Variants in HIVEP1 observed in about 807,000 individuals in gnomAD.
HIVEP1 encodes zinc finger protein 40.
Under a neutral mutation model 180.0 loss-of-function variants are expected in HIVEP1, and 36 were observed. That is an observed-to-expected ratio of 0.20 (90% confidence interval 0.15 to 0.26). HIVEP1 has a LOEUF of 0.26. Among genes scored for constraint, HIVEP1 ranks in the 10% least tolerant of loss-of-function variants. The pLI, the probability that HIVEP1 is intolerant of heterozygous loss-of-function variation, is 1.00. For missense variants in HIVEP1, 3,143 were observed against 3,268.7 expected (o/e 0.96, Z 0.94); for synonymous variants, 1,239 against 1,239.0 (o/e 1.00, Z 0.00).
At chr6:12,027,075 A>G (rs1049714280) in intron 2 of HIVEP1, among the ~76,000 whole-genome samples, 3 of 152,220 alleles carry the variant, frequency 2.0e-5, no homozygotes, top group Admixed American at 6.6e-5. Flanking sequence ...TTCATGCAAC[A>G]GTGGCAGAGT....
At chr6:12,046,932 C>T (rs915333335) in intron 2 of HIVEP1, among the ~76,000 whole-genome samples, 1 of 149,664 alleles carries the variant, frequency 6.7e-6, no homozygotes, top group African/African-American at 2.5e-5. Context: ...GTGACCTTGG[C>T]TCACTGCAAT....
chr6:12,124,193 G>T lies in HIVEP1; in HGVS notation c.4398G>T (p.Gly1466=). 6.2e-7 allele frequency: 1 copy of T among 1,613,898 alleles called. No individual in the cohort carries two copies. Among genetic ancestry groups the T allele is most frequent in the East Asian group, 2.2e-5 (1 of 44,888 alleles). The change falls in exon 4 of 9, where the codon GGG becomes GGT. Residue 1466 remains glycine, a synonymous_variant. Transcript: ENST00000379388. ...GTGTGAATGCAGTGCCATATCAGGG[G>T]CCTCAGCTCACTAGTACATCTTTAG... ...LPSVNAVPYQ[G]PQLTSTSLAE... is the part of the protein sequence containing the mutation.
At position 12,108,846 on chromosome 6, in the gene HIVEP1, C is replaced by T. The variant is rs549193955; in HGVS notation, c.95-11044C>T. ...CCAGAAAGGGGCTCCCACAGTGCAG[C>T]GGTGGGCTGAAGGGCTCCTCAGGTG... On this transcript the variant is annotated intron_variant, in intron 3 of 8. Coordinates refer to ENST00000379388, the MANE Select transcript of HIVEP1 (RefSeq NM_002114.4). 5.1e-4 allele frequency among the ~76,000 whole-genome samples: 77 copies of T among 152,350 alleles called. No homozygotes were observed. In the South Asian group the frequency reaches 7.4e-3, roughly 15 times the overall value.
chr6:12,089,932 T>C (rs547540253), intron 3 of HIVEP1, among the ~76,000 whole-genome samples: 2 of 152,040 alleles, frequency 1.3e-5, no homozygotes, highest in Non-Finnish European at 2.9e-5. Flanking sequence ...TACACAGATA[T>C]GTGTTAATAG....
At chr6:12,044,515 G>C (rs1769988881) in intron 2 of HIVEP1, among the ~76,000 whole-genome samples, 1 of 151,912 alleles carries the variant, frequency 6.6e-6, no homozygotes, top group South Asian at 2.1e-4. Context: ...AGGGCTTGCT[G>C]TCCCCCACTC....
intron 2 of HIVEP1, among the ~76,000 whole-genome samples, chr6:12,062,975 G>T (rs950945726): frequency 6.6e-6 from 1 of 152,194 alleles, no homozygotes; most frequent in Non-Finnish European, 1.5e-5. Flanking sequence ...GTACTTACTA[G>T]AAGAATACAT....
At chr6:12,153,107 A>G (rs1229192003) in intron 7 of HIVEP1, among the ~76,000 whole-genome samples, 1 of 152,214 alleles carries the variant, frequency 6.6e-6, no homozygotes, top group Non-Finnish European at 1.5e-5. Flanking sequence ...TAAAAGTTCA[A>G]TTATTTACAT....
At chr6:12,018,306 G>A (rs556107024) in intron 2 of HIVEP1, among the ~76,000 whole-genome samples, 2 of 152,314 alleles carry the variant, frequency 1.3e-5, no homozygotes, top group East Asian at 3.9e-4. Context: ...GCCGGCTCTG[G>A]CCTGGGCCAT....
At chr6:12,139,940 C>T (rs1758918997) in intron 7 of HIVEP1, among the ~76,000 whole-genome samples, 1 of 152,258 alleles carries the variant, frequency 6.6e-6, no homozygotes, top group Non-Finnish European at 1.5e-5. Context: ...GCAGAAACTT[C>T]TGCAGGCTTA....
rs776709378 is a variant in HIVEP1 at position 12,124,190 on chromosome 6, G to C, written c.4395G>C (p.Gln1465His). The C allele has an allele frequency of 3.1e-6, 5 of 1,613,902 alleles. No homozygotes were observed. The Admixed American group carries it at 8.3e-5, about 27-fold the overall frequency. ...ALPSVNAVPY[Q>H]GPQLTSTSLA... ...CCAGTGTGAATGCAGTGCCATATCA[G>C]GGGCCTCAGCTCACTAGTACATCTT... The change falls in exon 4 of 9, where the codon CAG becomes CAC. Residue 1465 changes from glutamine (Q) to histidine (H), a missense_variant. Gln to His is a conservative substitution (Grantham distance 24, BLOSUM62 0). Coordinates refer to ENST00000379388, the MANE Select transcript of HIVEP1 (RefSeq NM_002114.4).
At chr6:12,195,205 C>T in the HIVEP1 span, among the ~76,000 whole-genome samples, 13 of 152,312 alleles carry the variant, frequency 8.5e-5, no homozygotes, top group East Asian at 9.6e-4. Context: ...CAAAGTTGGA[C>T]GAATCTAGCT....
At chr6:12,081,672 C>G (rs1452696046) in intron 2 of HIVEP1, among the ~76,000 whole-genome samples, 5 of 152,126 alleles carry the variant, frequency 3.3e-5, no homozygotes, top group African/African-American at 1.2e-4. Flanking sequence ...CTTTTATTGG[C>G]TCCTCCCACT....
intron 2 of HIVEP1, among the ~76,000 whole-genome samples, chr6:12,033,971 G>A (rs1769118947): frequency 6.6e-6 from 1 of 152,218 alleles, no homozygotes; most frequent in Non-Finnish European, 1.5e-5. Flanking sequence ...AAATCAGGAA[G>A]TCTCTGGTTA....
intron 2 of HIVEP1, among the ~76,000 whole-genome samples, chr6:12,065,463 C>T (rs1771507825): frequency 1.3e-5 from 2 of 152,180 alleles, no homozygotes; most frequent in African/African-American, 4.8e-5. Flanking sequence ...GTTGCCAGGT[C>T]AGGCAGGACG....
At chr6:12,037,151 G>A (rs1421687112) in intron 2 of HIVEP1, among the ~76,000 whole-genome samples, 2 of 152,182 alleles carry the variant, frequency 1.3e-5, no homozygotes, top group African/African-American at 4.8e-5. Context: ...AGTGGGTGTT[G>A]AGGCCCGGGT....
intron 2 of HIVEP1, among the ~76,000 whole-genome samples, chr6:12,079,138 TA>T (rs1235055872): frequency 6.6e-6 from 1 of 152,198 alleles, no homozygotes; most frequent in Non-Finnish European, 1.5e-5. Flanking sequence ...CATACTCTAA[TA>T]ATTATATCCA....
chr6:12,140,948 G>A (rs955335114), intron 7 of HIVEP1, among the ~76,000 whole-genome samples: 5 of 152,132 alleles, frequency 3.3e-5, no homozygotes, highest in African/African-American at 4.8e-5. Flanking sequence ...ACACTCTTAG[G>A]GATATTATCC....
At chr6:12,151,415 G>T (rs1759693756) in intron 7 of HIVEP1, among the ~76,000 whole-genome samples, 1 of 152,142 alleles carries the variant, frequency 6.6e-6, no homozygotes, top group South Asian at 2.1e-4. Context: ...CCCTCCTGAA[G>T]TATTAGTGTG....
chr6:12,016,750 C>T (rs920148782), intron 2 of HIVEP1, among the ~76,000 whole-genome samples: 5 of 152,152 alleles, frequency 3.3e-5, no homozygotes, highest in African/African-American at 1.2e-4. Context: ...GTGTGGAAAT[C>T]TGATTTTTTA....
Sources: gnomAD v4.1 joint callset for allele counts (sites outside exome capture counted in the v4.1 genomes callset) on GRCh38, gnomAD v4.1.1 for gene constraint, MANE v1.5 for transcripts, NCBI Gene and HGNC (gene_info 2026-07-23, HGNC 2026-07-21) for gene names.